The following PHRF1 variants were observed in gnomAD, a reference collection of about 807,000 sequenced individuals.
PHRF1 encodes the protein PHD and RING finger domain-containing protein 1.
PHRF1 carries 53 observed loss-of-function variants against 128.9 expected under a neutral mutation model. That is an observed-to-expected ratio of 0.41 (90% CI 0.33 to 0.52). PHRF1 has a LOEUF of 0.52. Among genes scored for constraint, PHRF1 ranks in the 20% least tolerant of loss-of-function variants. PHRF1 has a pLI of 0.21. For synonymous variants in PHRF1, 1,178 were observed against 980.6 expected, an observed-to-expected ratio of 1.20 and a Z score of -3.76; for missense variants, 2,503 against 2,284.5, an observed-to-expected ratio of 1.10 and a Z score of -1.95.
chr11:593,958 G>A (rs950814329), intron 6 of PHRF1, among the ~76,000 whole-genome samples: 4 of 152,202 alleles, frequency 2.6e-5, no homozygotes, highest in African/African-American at 9.6e-5. Context: ...GCTGCCAGTT[G>A]CCCCGGCAGG....
At chr11:581,252 A>G (rs1053773034) in intron 1 of PHRF1, among the ~76,000 whole-genome samples, 2 of 151,858 alleles carry the variant, frequency 1.3e-5, no homozygotes, top group African/African-American at 4.8e-5. Context: ...TGTGGGTGAT[A>G]TCTTAGGGCT....
rs555170279 is a variant in PHRF1, at chr11:608,852, C to T, written c.3396C>T (p.Leu1132=). ...CCCCCACCAGCAGCCTGGAGAGGCTCTGCAGGCACAAGCATCAGCGGGAAC... is the reference window on the plus strand; with the variant it reads ...CCCCCACCAGCAGCCTGGAGAGGCTTTGCAGGCACAAGCATCAGCGGGAAC... The part of the protein sequence containing the change: ...ECSPTSSLER[L]CRHKHQRERS... The change falls in exon 14 of 18, where the codon CTC becomes CTT. Residue 1132 remains leucine (L), a synonymous_variant. Coordinates refer to ENST00000264555, the MANE Select transcript of PHRF1 (RefSeq NM_001286581.2). 2 of 1,612,342 alleles carry T rather than the reference C, an allele frequency of 1.2e-6. No individual in the cohort carries two copies. The highest frequency in any genetic ancestry group is 1.1e-5 in the South Asian group (1 of 91,080).
rs1413001898 is a variant in PHRF1, at chr11:612,052, C to T, written c.*275C>T. 8.1e-6 allele frequency: 4 copies of T among 491,202 alleles called. No individual in the cohort carries two copies. Among genetic ancestry groups the T allele is most frequent in the African/African-American group, 5.8e-5 (3 of 51,372 alleles). The allele number at this position is 491,202 out of a possible 1,614,324, so 30.4% of individuals were successfully genotyped here. A position where few individuals can be genotyped will look rare whatever the true frequency, so the allele number is the denominator to read the frequency against. On this transcript the variant is annotated 3_prime_UTR_variant, in exon 18 of 18. Coordinates refer to ENST00000264555, the MANE Select transcript of PHRF1 (RefSeq NM_001286581.2). ...TTCTAATTTATCAAAAATGGATTAT[C>T]TTTAGAAACCTCTTGATTGACTTAC...
chr11:580,600 G>GC (rs1262688973), intron 1 of PHRF1, among the ~76,000 whole-genome samples: 1 of 152,218 alleles, frequency 6.6e-6, no homozygotes, highest in African/African-American at 2.4e-5. Context: ...TGTCACTGAG[G>GC]CCCCTCTTGT....
At chr11:602,180 G>A (rs1354173890) in intron 10 of PHRF1, among the ~76,000 whole-genome samples, 3 of 152,182 alleles carry the variant, frequency 2.0e-5, no homozygotes, top group African/African-American at 4.8e-5. Context: ...GGTATACGTC[G>A]TGGCGTTTGT....
At chr11:610,408 ACAC>A in intron 15 of PHRF1, 61 bp downstream of exon 15, 1 of 1,537,724 alleles carries the variant, frequency 6.5e-7, no homozygotes, top group African/African-American at 1.4e-5. Context: ...CGTGCCACAC[ACAC>A]CACACTAGGC....
Position 606,463 on chromosome 11 carries a change from G to T in PHRF1, c.1476G>T (p.Val492=). 6.3e-7 allele frequency: 1 copy of T among 1,575,456 alleles called. No homozygotes were observed. Residue 492 remains valine (V), a synonymous_variant, in exon 13 of 18, where the codon GTG becomes GTT. Transcript: ENST00000264555. The stretch of plus-strand genomic sequence containing the variant: ...ACAGGAGGCGCCTCCCTGCCGCGGT[G>T]CCAGAGCCAGACTTGGAGGAGGAGC... ...GLSRRRLPAA[V]PEPDLEEEPV... is the part of the protein sequence containing the mutation.
chr11:589,696 T>C (rs548082861), intron 4 of PHRF1, among the ~76,000 whole-genome samples: 11 of 152,322 alleles, frequency 7.2e-5, no homozygotes, highest in African/African-American at 2.6e-4. Flanking sequence ...AAAGAAAGCA[T>C]GGGTAGCTCT....
intron 3 of PHRF1, among the ~76,000 whole-genome samples, chr11:586,846 C>A (rs762567009): frequency 5.3e-4 from 81 of 151,798 alleles, no homozygotes; most frequent in African/African-American, 1.9e-3. Context: ...GAGAAGGGGG[C>A]GTTGGAAATG....
At chr11:599,313 T>C (rs7101726) in intron 9 of PHRF1, among the ~76,000 whole-genome samples, 47,130 of 145,630 alleles carry the variant, frequency 0.32, 8,852 homozygotes, top group African/African-American at 0.51. Context: ...TGCAGTGGCA[T>C]GATCTTGGCT....
intron 12 of PHRF1, 41 bp downstream of exon 12, chr11:605,765 G>T (rs775246139): frequency 6.4e-7 from 1 of 1,573,286 alleles, no homozygotes; most frequent in Admixed American, 1.9e-5. Context: ...GGGGGCAGCA[G>T]TTGGGCATCG....
chr11:598,456 G>T lies in PHRF1; in HGVS notation c.978G>T (p.Gln326His). Reference sequence around the variant, plus strand: ...CTGGCCTGAGCACTGCCGTGTATCAGCGCCCCCTGACGCCGCGCACTCCCG... The same window carrying T: ...CTGGCCTGAGCACTGCCGTGTATCATCGCCCCCTGACGCCGCGCACTCCCG... ...VATGLSTAVY[Q>H]RPLTPRTPAR... is the part of the protein sequence containing the mutation. The change falls in exon 9 of 18, where the codon CAG becomes CAT. Residue 326 changes from glutamine to histidine, a missense_variant. Gln to His is a conservative substitution (Grantham distance 24, BLOSUM62 0). Transcript: ENST00000264555. The T allele has an allele frequency of 6.2e-7, 1 of 1,610,900 alleles. No individual in the cohort carries two copies.
chr11:606,631 T>G (rs754853105), intron 13 of PHRF1, 35 bp downstream of exon 13: 1 of 1,567,634 alleles, frequency 6.4e-7, no homozygotes, highest in Non-Finnish European at 8.7e-7. Context: ...CCTTCCTCTG[T>G]GGGCTGCTGG....
At chr11:577,030 C>T (rs1023237697) in intron 1 of PHRF1, among the ~76,000 whole-genome samples, 13 of 152,184 alleles carry the variant, frequency 8.5e-5, no homozygotes, top group East Asian at 1.9e-4. Flanking sequence ...TCCGCCCTGC[C>T]GCGTTTGGGA....
chr11:581,835 G>A (rs891227709), intron 2 of PHRF1, 127 bp from the exon 3 acceptor site: 4 of 1,361,838 alleles, frequency 2.9e-6, no homozygotes, highest in Non-Finnish European at 3.9e-6. Context: ...CCACCTTGCC[G>A]GCCCTGGGGA....
At chr11:587,888 G>A (rs1854675518) in intron 4 of PHRF1, among the ~76,000 whole-genome samples, 1 of 152,218 alleles carries the variant, frequency 6.6e-6, no homozygotes, top group Non-Finnish European at 1.5e-5. Context: ...CATCAAAAGA[G>A]ACTGTCCTTA....
At chr11:583,068 C>T (rs567413007) in intron 3 of PHRF1, among the ~76,000 whole-genome samples, 130 of 143,908 alleles carry the variant, frequency 9.0e-4, no homozygotes, top group Non-Finnish European at 1.5e-3. Context: ...TGTCTGGGCG[C>T]GGTGGCTCAC....
At chr11:611,170 A>G in intron 17 of PHRF1, 88 bp downstream of exon 17, 8 of 1,571,712 alleles carry the variant, frequency 5.1e-6, no homozygotes, top group Non-Finnish European at 5.2e-6. Context: ...TGGGGTGGCC[A>G]TGAGTGCAGG....
intron 6 of PHRF1, among the ~76,000 whole-genome samples, chr11:594,074 C>G (rs547663454): frequency 5.8e-4 from 89 of 152,268 alleles, no homozygotes; most frequent in African/African-American, 2.1e-3. Context: ...CTGTTGATTA[C>G]TGACTTACAC....
Sources: allele counts gnomAD v4.1 joint callset (sites outside exome capture counted in the v4.1 genomes callset), GRCh38; gene constraint gnomAD v4.1.1; transcripts MANE v1.5; gene names NCBI Gene and HGNC (gene_info 2026-07-23, HGNC 2026-07-21).